Variants in TSEN2 observed in about 807,000 individuals in gnomAD.
The protein encoded by TSEN2 is tRNA splicing endonuclease subunit 2.
Under a neutral mutation model 59.2 loss-of-function variants are expected in TSEN2, and 54 were observed. That is an observed-to-expected ratio of 0.91 (90% confidence interval 0.73 to 1.14). The LOEUF (loss-of-function observed/expected upper bound fraction) is 1.14, where lower values mean the gene tolerates loss of function less well. Among genes scored for constraint, TSEN2 ranks in the 50% most tolerant of loss-of-function variants. TSEN2 has a pLI of 0.00. For missense variants in TSEN2, 636 were observed against 576.2 expected (o/e 1.10, Z -1.06); for synonymous variants, 195 against 198.2 (o/e 0.98, Z 0.14).
chr3:12,497,929 C>G (rs1002599124), intron 4 of TSEN2, among the ~76,000 whole-genome samples: 1 of 152,138 alleles, frequency 6.6e-6, no homozygotes. Flanking sequence ...GGGGAGCATC[C>G]TTCCTTGCCT....
intron 6 of TSEN2, chr3:12,511,007 A>G (rs299659): frequency 0.51 from 78,284 of 152,010 alleles, 21,116 homozygotes; most frequent in African/African-American, 0.66. Flanking sequence ...TTTGAGGATC[A>G]GGTTTTGTTT....
chr3:12,532,729 A>G lies in TSEN2; in HGVS notation c.*8A>G, dbSNP rs1559370427. ...GACCAAGACGATCTTTAACAATTCA[A>G]CCTCAAATTTCTAATTTCACCAACA... On this transcript the variant is annotated 3_prime_UTR_variant, in exon 12 of 12. Transcript: ENST00000284995. 1 of 1,614,020 alleles carries G rather than the reference A, an allele frequency of 6.2e-7. No individual in the cohort carries two copies. Among genetic ancestry groups the G allele is most frequent in the South Asian group, 1.1e-5 (1 of 91,086 alleles).
intron 3 of TSEN2, among the ~76,000 whole-genome samples, chr3:12,493,179 C>T (rs1010559679): frequency 2.0e-5 from 3 of 152,196 alleles, no homozygotes; most frequent in African/African-American, 7.2e-5. Context: ...TGCTGATGGA[C>T]ACTTAGATTG....
At chr3:12,526,310 G>C (rs896595918) in intron 8 of TSEN2, among the ~76,000 whole-genome samples, 1 of 152,112 alleles carries the variant, frequency 6.6e-6, no homozygotes, top group Non-Finnish European at 1.5e-5. Context: ...AGACCTGCAG[G>C]CTGCATTCAT....
chr3:12,503,531 T>A lies in TSEN2; in HGVS notation c.578T>A (p.Leu193Gln). 2.5e-6 allele frequency: 4 copies of A among 1,612,844 alleles called. No individual in the cohort carries two copies. The highest frequency in any genetic ancestry group is 3.4e-6 in the Non-Finnish European group (4 of 1,178,878). The part of the protein sequence containing the change: ...VGDPREPLGC[L>Q]QEGSGCHPTT... ...GATCCCCGTGAGCCATTAGGCTGCC[T>A]GCAGGAGGGCTCTGGCTGCCACCCA... The change falls in exon 5 of 12, where the codon CTG (leucine) becomes CAG (glutamine). Residue 193 changes from leucine (L) to glutamine (Q), a missense_variant. Leu to Gln is a moderately radical substitution (Grantham distance 113). Coordinates refer to ENST00000284995, the MANE Select transcript of TSEN2 (RefSeq NM_025265.4).
intron 8 of TSEN2, 82 bp downstream of exon 8, chr3:12,519,279 T>C: frequency 1.3e-6 from 2 of 1,555,686 alleles, no homozygotes; most frequent in Non-Finnish European, 1.8e-6. Flanking sequence ...TCTTGTGTGC[T>C]GTTGATGATG....
intron 8 of TSEN2, among the ~76,000 whole-genome samples, chr3:12,523,569 T>C (rs1281588407): frequency 1.4e-5 from 2 of 141,604 alleles, no homozygotes; most frequent in Non-Finnish European, 3.1e-5. Flanking sequence ...AGTCTCACTT[T>C]GTTGCCTTGG....
chr3:12,533,902 G>A (rs368306119), downstream of TSEN2, among the ~76,000 whole-genome samples: 221 of 152,150 alleles, frequency 1.5e-3, no homozygotes, highest in Non-Finnish European at 2.5e-3. Flanking sequence ...TGGAGAGTGG[G>A]AGTTGAGATG....
chr3:12,530,543 T>A, intron 10 of TSEN2: 1 of 985,488 alleles, frequency 1.0e-6, no homozygotes, highest in African/African-American at 1.7e-5. Context: ...CTCAGTGATT[T>A]GCTGGCTGAA....
intron 3 of TSEN2, among the ~76,000 whole-genome samples, chr3:12,495,257 G>A (rs370042422): frequency 1.3e-5 from 2 of 151,288 alleles, no homozygotes; most frequent in African/African-American, 4.9e-5. Context: ...GTAACTTTTG[G>A]TTTTTTTGGA....
intron 2 of TSEN2, among the ~76,000 whole-genome samples, chr3:12,490,234 T>G (rs994784852): frequency 6.6e-6 from 1 of 151,826 alleles, no homozygotes; most frequent in Admixed American, 6.6e-5. Context: ...TGAAGTAGGT[T>G]CAATGGATTG....
chr3:12,513,666 T>C (rs1311262435), intron 6 of TSEN2, among the ~76,000 whole-genome samples: 4 of 152,224 alleles, frequency 2.6e-5, no homozygotes, highest in African/African-American at 9.6e-5. Context: ...AACCAAGAAG[T>C]GCAAATTGTG....
chr3:12,496,119 A>G (rs73140738), intron 3 of TSEN2, among the ~76,000 whole-genome samples: 232 of 152,340 alleles, frequency 1.5e-3, no homozygotes, highest in African/African-American at 5.2e-3. Flanking sequence ...TTTGATATAC[A>G]CATGGAAGGC....
At chr3:12,483,131 T>G (rs2124846118), upstream of TSEN2, among the ~76,000 whole-genome samples, 1 of 152,276 alleles carries the variant, frequency 6.6e-6, no homozygotes, top group South Asian at 2.1e-4. Context: ...ATCCCAGCAC[T>G]TTGGGAGGCC....
chr3:12,538,223 T>C (rs2057723128), downstream of TSEN2, among the ~76,000 whole-genome samples: 1 of 152,242 alleles, frequency 6.6e-6, no homozygotes, highest in Admixed American at 6.5e-5. Flanking sequence ...TCTTTATTAC[T>C]AATGTTAAAG....
intron 5 of TSEN2, 45 bp from the exon 6 acceptor site, chr3:12,505,109 A>C: frequency 9.3e-7 from 1 of 1,073,606 alleles, no homozygotes; most frequent in East Asian, 2.4e-5. Flanking sequence ...TATGACATGT[A>C]GTGCTTCCAT....
chr3:12,537,060 C>T (rs969118420), downstream of TSEN2, among the ~76,000 whole-genome samples: 2 of 151,176 alleles, frequency 1.3e-5, no homozygotes, highest in African/African-American at 2.4e-5. Flanking sequence ...AAATATGAGG[C>T]CAGCTCTTGC....
At position 12,498,785 on chromosome 3, in the gene TSEN2, G is replaced by A. The variant is rs552523139; in HGVS notation, c.308+2231G>A. On this transcript the variant is annotated intron_variant, in intron 4 of 11. Transcript: ENST00000284995. ...ACAGTTCTATCAGCAAGCTACATACGTCCCCCAACCAAAACCAATACTTGA... is the reference window on the plus strand; with the variant it reads ...ACAGTTCTATCAGCAAGCTACATACATCCCCCAACCAAAACCAATACTTGA... Among the ~76,000 whole-genome samples the A allele has an allele frequency of 2.6e-5, 4 of 152,138 alleles. No individual in the cohort carries two copies. In the South Asian group the frequency reaches 6.2e-4, roughly 24 times the overall value.
upstream of TSEN2, among the ~76,000 whole-genome samples, chr3:12,482,649 G>A (rs1005828219): frequency 1.3e-5 from 2 of 151,948 alleles, no homozygotes; most frequent in African/African-American, 4.8e-5. Context: ...GCTGGGATGG[G>A]ATTTAAGAGA....
Sources: gnomAD v4.1 joint callset for allele counts (sites outside exome capture counted in the v4.1 genomes callset) on GRCh38, gnomAD v4.1.1 for gene constraint, MANE v1.5 for transcripts, NCBI Gene and HGNC (gene_info 2026-07-23, HGNC 2026-07-21) for gene names.